Variants in SNTG1 observed in about 807,000 individuals in gnomAD.
SNTG1 encodes syntrophin gamma 1.
Under a neutral mutation model 74.7 loss-of-function variants are expected in SNTG1, and 39 were observed. The observed-to-expected ratio is 0.52, with a 90% CI of 0.40 to 0.68. SNTG1 has a LOEUF of 0.68. Ranked by LOEUF, SNTG1 falls within the 30% of genes least tolerant of loss-of-function variation. SNTG1 has a pLI of 0.00. For synonymous variants in SNTG1, 254 were observed against 217.1 expected (o/e 1.17, Z -1.49); for missense variants, 685 against 609.5 (o/e 1.12, Z -1.30).
At chr8:50,521,826 G>A (rs916430515) in intron 9 of SNTG1, among the ~76,000 whole-genome samples, 2 of 152,030 alleles carry the variant, frequency 1.3e-5, no homozygotes, top group Non-Finnish European at 1.5e-5. Flanking sequence ...GAACAATTCA[G>A]TCACATCTTC....
chr8:50,574,460 A>G (rs2094565765), intron 12 of SNTG1, among the ~76,000 whole-genome samples: 1 of 152,144 alleles, frequency 6.6e-6, no homozygotes, highest in Admixed American at 6.5e-5. Context: ...GCAGAAAAAC[A>G]TTAAAGTGAA....
intron 1 of SNTG1, among the ~76,000 whole-genome samples, chr8:49,941,126 T>G (rs1254645221): frequency 6.6e-6 from 1 of 152,132 alleles, no homozygotes. Context: ...CACTCTGCAT[T>G]CAAGCTCTGA....
At chr8:50,522,335 T>C (rs1488817748) in intron 9 of SNTG1, among the ~76,000 whole-genome samples, 7 of 152,042 alleles carry the variant, frequency 4.6e-5, no homozygotes, top group African/African-American at 1.2e-4. Flanking sequence ...TTCTGAGCAG[T>C]AGGTCTCAAC....
rs190761537 is a variant in SNTG1 at position 50,179,832 on chromosome 8, G to A, written c.-28+7197G>A. 1.9e-3 allele frequency among the ~76,000 whole-genome samples: 284 copies of A among 152,268 alleles called. 1 individual carries two copies. Among genetic ancestry groups the A allele is most frequent in the African/African-American group, 5.6e-3 (234 of 41,560 alleles). On this transcript the variant is annotated intron_variant, in intron 2 of 18. Transcript: ENST00000642720. ...GGAAACCCTTGTGCACTGCTGCTGAGAATGTAAATTGGAACAGCTATTGTG... is the reference window on the plus strand; with the variant it reads ...GGAAACCCTTGTGCACTGCTGCTGAAAATGTAAATTGGAACAGCTATTGTG...
chr8:50,635,694 T>A (rs1401486038), intron 13 of SNTG1, among the ~76,000 whole-genome samples: 1 of 152,120 alleles, frequency 6.6e-6, no homozygotes, highest in Non-Finnish European at 1.5e-5. Context: ...TTCAGGGAAG[T>A]GGGCTCCCCT....
intron 15 of SNTG1, among the ~76,000 whole-genome samples, chr8:50,687,375 C>T (rs1309789756): frequency 1.3e-5 from 2 of 152,010 alleles, no homozygotes; most frequent in Non-Finnish European, 1.5e-5. Context: ...AAAAACAAAA[C>T]CTGACTATAT....
chr8:50,734,808 GATATCTATATATATGGACATATAT>G lies in SNTG1; in HGVS notation c.1285-17105_1285-17082del, dbSNP rs1421100539. On this transcript the variant is annotated intron_variant, in intron 17 of 18. Coordinates refer to ENST00000642720, the MANE Select transcript of SNTG1 (RefSeq NM_018967.5). ...ATCTATATATATGGACATATATATA[GATATCTATATATATGGACATATAT>G]ATATCTATATATATGGACATATATA... Among the ~76,000 whole-genome samples, 314 of 51,970 alleles carry G rather than the reference GATATCTATATATATGGACATATAT, an allele frequency of 6.0e-3. 12 individuals carry two copies. The highest frequency in any genetic ancestry group is 0.013 in the African/African-American group (152 of 12,144). 34.1% of individuals were successfully genotyped at this position (51,970 alleles called of 152,430 possible). A position where few individuals can be genotyped will look rare whatever the true frequency, so the allele number is the denominator to read the frequency against.
intron 9 of SNTG1, among the ~76,000 whole-genome samples, chr8:50,513,265 G>T (rs184836737): frequency 1.3e-5 from 2 of 152,238 alleles, no homozygotes; most frequent in East Asian, 3.9e-4. Flanking sequence ...CTGCCTGATC[G>T]TTCCTCTGGA....
At chr8:49,996,374 T>G (rs943629017) in intron 1 of SNTG1, among the ~76,000 whole-genome samples, 1 of 146,748 alleles carries the variant, frequency 6.8e-6, no homozygotes, top group Non-Finnish European at 1.5e-5. Flanking sequence ...GTAAGAAGCT[T>G]TTTTTTTTTA....
rs370170614 is a variant in SNTG1 at position 49,947,249 on chromosome 8, A to T, written c.-103+35018A>T. ...TGGGAGGCAGAGGTTGCAGTGAGTCAAGATCCCACCATTGCACTCCAGTCT... is the reference window on the plus strand; with the variant it reads ...TGGGAGGCAGAGGTTGCAGTGAGTCTAGATCCCACCATTGCACTCCAGTCT... On this transcript the variant is annotated intron_variant, in intron 1 of 18. Transcript: ENST00000642720. Among the ~76,000 whole-genome samples, 61 of 152,230 alleles carry T rather than the reference A, an allele frequency of 4.0e-4. 1 individual carries two copies. The highest frequency in any genetic ancestry group is 1.4e-3 in the African/African-American group (57 of 41,554).
intron 1 of SNTG1, among the ~76,000 whole-genome samples, chr8:49,960,882 G>A (rs562690710): frequency 6.6e-6 from 1 of 152,082 alleles, no homozygotes; most frequent in Non-Finnish European, 1.5e-5. Context: ...CTTGGGTAGA[G>A]TATTGAATAT....
chr8:50,457,749 G>A (rs111932952), intron 8 of SNTG1, among the ~76,000 whole-genome samples: 1 of 152,144 alleles, frequency 6.6e-6, no homozygotes, highest in Non-Finnish European at 1.5e-5. Context: ...GACAGCAATC[G>A]CGAATGGGAG....
chr8:50,251,490 C>T (rs868433219), intron 2 of SNTG1, among the ~76,000 whole-genome samples: 1 of 151,792 alleles, frequency 6.6e-6, no homozygotes, highest in Non-Finnish European at 1.5e-5. Context: ...AGATGCACTT[C>T]ACTGTTAAAC....
chr8:49,941,492 A>G (rs1270197722), intron 1 of SNTG1, among the ~76,000 whole-genome samples: 1 of 148,130 alleles, frequency 6.8e-6, no homozygotes, highest in Non-Finnish European at 1.5e-5. Context: ...TATATACATT[A>G]TATATTTATA....
At chr8:50,547,901 G>A (rs527925783) in intron 11 of SNTG1, among the ~76,000 whole-genome samples, 2 of 152,228 alleles carry the variant, frequency 1.3e-5, no homozygotes, top group East Asian at 3.9e-4. Flanking sequence ...CTTCGAGATG[G>A]CAGGATTCAG....
At chr8:50,566,080 T>C (rs1300717587) in intron 12 of SNTG1, among the ~76,000 whole-genome samples, 1 of 151,984 alleles carries the variant, frequency 6.6e-6, no homozygotes, top group Non-Finnish European at 1.5e-5. Context: ...TTTTATATAT[T>C]GTCTTCTTAC....
chr8:50,116,039 T>C (rs1040298822), intron 1 of SNTG1, among the ~76,000 whole-genome samples: 6 of 152,206 alleles, frequency 3.9e-5, no homozygotes, highest in African/African-American at 1.4e-4. Context: ...CTTGAGTGTT[T>C]GTTATGCTCA....
At chr8:50,442,650 T>C (rs536438345) in intron 5 of SNTG1, among the ~76,000 whole-genome samples, 1 of 144,876 alleles carries the variant, frequency 6.9e-6, no homozygotes, top group East Asian at 2.1e-4. Context: ...CTTGTGTGCC[T>C]TTTTTTCTTT....
At chr8:50,714,094 C>A (rs576670329) in intron 17 of SNTG1, among the ~76,000 whole-genome samples, 1 of 150,670 alleles carries the variant, frequency 6.6e-6, no homozygotes, top group Non-Finnish European at 1.5e-5. Context: ...GGGAGGGAAT[C>A]CTTTTCTTAT....
Sources: gnomAD v4.1 joint callset for allele counts (sites outside exome capture counted in the v4.1 genomes callset) on GRCh38, gnomAD v4.1.1 for gene constraint, MANE v1.5 for transcripts, NCBI Gene and HGNC (gene_info 2026-07-23, HGNC 2026-07-21) for gene names.